RAI14: variants seen among roughly 807,000 people sequenced by gnomAD.
The protein encoded by RAI14 is ankycorbin.
Under a neutral mutation model 115.4 loss-of-function variants are expected in RAI14, and 45 were observed. That is an observed-to-expected ratio of 0.39 (90% confidence interval 0.31 to 0.50). The LOEUF is 0.50. Ranked by LOEUF, RAI14 falls within the 20% of genes least tolerant of loss-of-function variation. RAI14 has a pLI of 0.85. For missense variants in RAI14, 939 were observed against 1,131.2 expected, an observed-to-expected ratio of 0.83 and a Z score of 2.44; for synonymous variants, 371 against 415.4, an observed-to-expected ratio of 0.89 and a Z score of 1.30.
At chr5:34,691,177 C>A (rs1383182521) in intron 2 of RAI14, among the ~76,000 whole-genome samples, 1 of 152,008 alleles carries the variant, frequency 6.6e-6, no homozygotes, top group African/African-American at 2.4e-5. Context: ...GAAGGTCAAT[C>A]AGGGGAGACA....
chr5:34,750,616 G>A (rs573280640), intron 2 of RAI14, among the ~76,000 whole-genome samples: 9 of 152,208 alleles, frequency 5.9e-5, no homozygotes, highest in African/African-American at 1.9e-4. Flanking sequence ...GGGATGGTGA[G>A]GGAAGGAGAA....
At chr5:34,793,685 G>A (rs1753186599) in intron 3 of RAI14, among the ~76,000 whole-genome samples, 1 of 152,134 alleles carries the variant, frequency 6.6e-6, no homozygotes, top group Non-Finnish European at 1.5e-5. Context: ...ATATGCACAT[G>A]GGCAGTAGAC....
chr5:34,802,208 A>G (rs1754356560), intron 4 of RAI14, among the ~76,000 whole-genome samples: 1 of 152,154 alleles, frequency 6.6e-6, no homozygotes, highest in Non-Finnish European at 1.5e-5. Flanking sequence ...AACGTCCTGT[A>G]CTGCATAGGA....
At chr5:34,773,700 A>G (rs1467494903) in intron 3 of RAI14, among the ~76,000 whole-genome samples, 1 of 152,224 alleles carries the variant, frequency 6.6e-6, no homozygotes, top group Non-Finnish European at 1.5e-5. Flanking sequence ...CAAAACCACA[A>G]TGAGATGTTA....
chr5:34,710,955 C>A, intron 2 of RAI14, among the ~76,000 whole-genome samples: 1 of 152,248 alleles, frequency 6.6e-6, no homozygotes, highest in African/African-American at 2.4e-5. Flanking sequence ...AGTTTCCTAG[C>A]CTTCTTTGAA....
intron 2 of RAI14, among the ~76,000 whole-genome samples, chr5:34,699,925 G>T (rs1242439419): frequency 6.6e-6 from 1 of 152,130 alleles, no homozygotes; most frequent in Non-Finnish European, 1.5e-5. Flanking sequence ...ACATGCTTCA[G>T]TGACAGGGAC....
chr5:34,713,208 G>A (rs548324422), intron 2 of RAI14, among the ~76,000 whole-genome samples: 4 of 152,260 alleles, frequency 2.6e-5, no homozygotes, highest in Non-Finnish European at 5.9e-5. Flanking sequence ...GGCTGGTGAG[G>A]ATGGTGGATA....
chr5:34,745,808 C>T (rs954346758), intron 2 of RAI14, among the ~76,000 whole-genome samples: 28 of 152,156 alleles, frequency 1.8e-4, no homozygotes, highest in African/African-American at 2.9e-4. Flanking sequence ...CACTTCCCCC[C>T]GGGAGCTATT....
chr5:34,660,634 G>C (rs1742617715), intron 1 of RAI14, among the ~76,000 whole-genome samples: 1 of 152,076 alleles, frequency 6.6e-6, no homozygotes, highest in Non-Finnish European at 1.5e-5. Flanking sequence ...CATTTACAAA[G>C]GCACATTCCT....
rs545949227 is a variant in RAI14, at chr5:34,818,695, C to T, written c.940-102C>T. ...TAGCTGCTTTTCTAGTAGGATCATA[C>T]CAGATCTGCTCTGCGTAAGCTCAAG... On this transcript the variant is annotated intron_variant, in intron 12 of 17. Transcript: ENST00000265109. 1.0e-5 allele frequency: 9 copies of T among 880,498 alleles called. No individual in the cohort carries two copies. The African/African-American group carries it at 1.4e-4, about 13-fold the overall frequency. The allele number at this position is 880,498 out of a possible 1,614,324, so 54.5% of individuals were successfully genotyped here.
At chr5:34,675,510 T>C (rs1743914093) in intron 1 of RAI14, among the ~76,000 whole-genome samples, 1 of 152,200 alleles carries the variant, frequency 6.6e-6, no homozygotes, top group Non-Finnish European at 1.5e-5. Flanking sequence ...CCCAGCACTT[T>C]GGGAGGCACA....
At chr5:34,793,300 A>C (rs1490596254) in intron 3 of RAI14, among the ~76,000 whole-genome samples, 1 of 152,210 alleles carries the variant, frequency 6.6e-6, no homozygotes, top group Non-Finnish European at 1.5e-5. Flanking sequence ...ATCAGACTGC[A>C]TTTACCAATG....
At chr5:34,779,698 CA>C (rs1472007946) in intron 3 of RAI14, among the ~76,000 whole-genome samples, 1 of 152,088 alleles carries the variant, frequency 6.6e-6, no homozygotes, top group African/African-American at 2.4e-5. Context: ...AATTACAAAC[CA>C]CTACTCAACG....
intron 2 of RAI14, among the ~76,000 whole-genome samples, chr5:34,692,721 G>A (rs184568698): frequency 3.3e-5 from 5 of 152,048 alleles, no homozygotes; most frequent in Admixed American, 1.3e-4. Flanking sequence ...AATTTGTGCC[G>A]TGCTACGTGT....
intron 8 of RAI14, 148 bp downstream of exon 8, chr5:34,811,266 C>G: frequency 1.0e-6 from 1 of 998,284 alleles, no homozygotes; most frequent in Non-Finnish European, 1.4e-6. Context: ...TTCTGATAAT[C>G]AAGAATCTAT....
intron 2 of RAI14, among the ~76,000 whole-genome samples, chr5:34,724,332 G>C (rs970646266): frequency 6.6e-6 from 1 of 152,034 alleles, no homozygotes; most frequent in Admixed American, 6.6e-5. Context: ...TTCCTTTCTA[G>C]AGGACAGATC....
intron 2 of RAI14, among the ~76,000 whole-genome samples, chr5:34,721,578 A>G (rs1418743895): frequency 2.0e-5 from 3 of 152,070 alleles, no homozygotes; most frequent in Non-Finnish European, 4.4e-5. Flanking sequence ...TACACAAGAT[A>G]TTGTTCATGT....
chr5:34,808,249 A>G (rs1452431630), intron 6 of RAI14, among the ~76,000 whole-genome samples: 2 of 152,244 alleles, frequency 1.3e-5, no homozygotes, highest in African/African-American at 4.8e-5. Context: ...CACAACTTGA[A>G]GTGACAAACG....
chr5:34,808,481 T>C, intron 6 of RAI14, 103 bp from the exon 7 acceptor site: 1 of 1,011,172 alleles, frequency 9.9e-7, no homozygotes, highest in Middle Eastern at 2.1e-4. Flanking sequence ...TGAATATATG[T>C]AGAGTGGGTA....
Sources: gnomAD v4.1 joint callset for allele counts (sites outside exome capture counted in the v4.1 genomes callset) on GRCh38, gnomAD v4.1.1 for gene constraint, MANE v1.5 for transcripts, NCBI Gene and HGNC (gene_info 2026-07-23, HGNC 2026-07-21) for gene names.